Variants in VOPP1 observed in about 807,000 individuals in gnomAD.
VOPP1 encodes VOPP1 WW domain binding protein, also known as WW domain binding protein VOPP1.
Under a neutral mutation model 23.5 loss-of-function variants are expected in VOPP1, and 8 were observed. That is an observed-to-expected ratio of 0.34 (90% CI 0.20 to 0.61). VOPP1 has a LOEUF of 0.61. VOPP1 is among the 20% of genes least tolerant of loss of function. The probability of loss-of-function intolerance (pLI) is 0.78; values close to 1 mark genes in which losing one functional copy is unlikely to be tolerated. For missense variants in VOPP1, 174 were observed against 238.1 expected (o/e 0.73, Z 1.77); for synonymous variants, 83 against 97.3 (o/e 0.85, Z 0.86).
intron 1 of VOPP1, chr7:55,526,734 C>T (rs1796214089): frequency 6.6e-6 from 1 of 152,214 alleles, no homozygotes; most frequent in Non-Finnish European, 1.5e-5. Flanking sequence ...GTCTCACTGA[C>T]CTCTGGAAAG....
At chr7:55,492,480 A>G in intron 3 of VOPP1, 62 bp from the exon 4 acceptor site, 1 of 1,535,388 alleles carries the variant, frequency 6.5e-7, no homozygotes, top group East Asian at 2.3e-5. Flanking sequence ...GCTTGGCCCT[A>G]CAGCTCAAAG....
intron 2 of VOPP1, 130 bp from the exon 3 acceptor site, chr7:55,497,820 C>T (rs117645790): frequency 1.4e-6 from 1 of 726,262 alleles, no homozygotes; most frequent in Non-Finnish European, 2.4e-6. Flanking sequence ...AAGGACAGAA[C>T]TGCCTCCACT....
At chr7:55,453,702 G>C (rs1791297875) in intron 4 of VOPP1, among the ~76,000 whole-genome samples, 1 of 152,140 alleles carries the variant, frequency 6.6e-6, no homozygotes, top group East Asian at 1.9e-4. Context: ...TAATGAAAAA[G>C]TTTGAAATAT....
chr7:55,461,747 TA>T (rs1356337147), intron 4 of VOPP1, among the ~76,000 whole-genome samples: 4 of 152,232 alleles, frequency 2.6e-5, no homozygotes, highest in Non-Finnish European at 5.9e-5. Context: ...GTGGGAAATG[TA>T]ATCAGTTCCC....
chr7:55,469,439 C>T (rs1791718186), downstream of VOPP1, among the ~76,000 whole-genome samples: 1 of 152,150 alleles, frequency 6.6e-6, no homozygotes, highest in South Asian at 2.1e-4. Context: ...GGGTCATTTG[C>T]AGCTGCCTTT....
intron 1 of VOPP1, among the ~76,000 whole-genome samples, chr7:55,538,429 G>A (rs1230012705): frequency 6.6e-6 from 1 of 152,130 alleles, no homozygotes; most frequent in Non-Finnish European, 1.5e-5. Flanking sequence ...TTCGTTCTTT[G>A]CTAACTTGAT....
intron 1 of VOPP1, among the ~76,000 whole-genome samples, chr7:55,539,119 G>A (rs959665522): frequency 3.9e-5 from 6 of 151,956 alleles, no homozygotes; most frequent in African/African-American, 1.2e-4. Flanking sequence ...CGAGGCAAGC[G>A]GATCACCTGA....
intron 1 of VOPP1, chr7:55,521,752 G>C (rs1795877796): frequency 2.0e-6 from 2 of 986,738 alleles, no homozygotes; most frequent in Non-Finnish European, 2.4e-6. Context: ...GGCAGGGCAG[G>C]GCAGGGTGGG....
chr7:55,505,656 AGGG>A (rs1794668223), intron 2 of VOPP1, among the ~76,000 whole-genome samples: 3 of 516 alleles, frequency 5.8e-3, no homozygotes, highest in African/African-American at 9.2e-3. Flanking sequence ...GAAGGAAGGG[AGGG>A]AGGGAGGGAG....
chr7:55,542,232 C>G (rs1258714878), intron 1 of VOPP1, among the ~76,000 whole-genome samples: 1 of 152,020 alleles, frequency 6.6e-6, no homozygotes, highest in Non-Finnish European at 1.5e-5. Context: ...AAATATCTAC[C>G]ACCTCAAATA....
intron 2 of VOPP1, among the ~76,000 whole-genome samples, chr7:55,503,676 T>C (rs1029890334): frequency 1.3e-5 from 2 of 152,164 alleles, no homozygotes; most frequent in Non-Finnish European, 2.9e-5. Flanking sequence ...GGTGAAGCCC[T>C]CGTGACAGGG....
chr7:55,570,362 A>G (rs765344599), intron 1 of VOPP1, among the ~76,000 whole-genome samples: 1 of 152,202 alleles, frequency 6.6e-6, no homozygotes, highest in Non-Finnish European at 1.5e-5. Flanking sequence ...CTCTGAAACA[A>G]TCATCTAATA....
At chr7:55,479,304 C>A (rs1792524418) in intron 4 of VOPP1, among the ~76,000 whole-genome samples, 1 of 151,354 alleles carries the variant, frequency 6.6e-6, no homozygotes, top group Admixed American at 6.6e-5. Context: ...ATCCCTCCCC[C>A]ATCCCCCCAC....
intron 4 of VOPP1, among the ~76,000 whole-genome samples, chr7:55,438,162 T>C (rs1267087533): frequency 6.6e-6 from 1 of 152,176 alleles, no homozygotes; most frequent in African/African-American, 2.4e-5. Context: ...CCCAAAGTGC[T>C]GGGATTACAG....
At chr7:55,554,981 G>C (rs1797753441) in intron 1 of VOPP1, among the ~76,000 whole-genome samples, 1 of 152,196 alleles carries the variant, frequency 6.6e-6, no homozygotes, top group Admixed American at 6.5e-5. Flanking sequence ...CAAGGTGGCT[G>C]CTTTTTGCCG....
intron 4 of VOPP1, among the ~76,000 whole-genome samples, chr7:55,464,299 G>A (rs1029428122): frequency 1.3e-5 from 2 of 152,168 alleles, no homozygotes; most frequent in Non-Finnish European, 2.9e-5. Flanking sequence ...GCATGCACTT[G>A]CCAGCTGTGG....
chr7:55,540,539 A>G (rs971705304), intron 1 of VOPP1, among the ~76,000 whole-genome samples: 1 of 152,100 alleles, frequency 6.6e-6, no homozygotes, highest in Non-Finnish European at 1.5e-5. Flanking sequence ...GCCTGTTTAG[A>G]CCTCTGGCCG....
At chr7:55,531,306 C>A (rs953099322) in intron 1 of VOPP1, among the ~76,000 whole-genome samples, 1 of 151,460 alleles carries the variant, frequency 6.6e-6, no homozygotes, top group Non-Finnish European at 1.5e-5. Flanking sequence ...AAGCAATGAA[C>A]AGGACCAAAC....
At chr7:55,554,031 T>A (rs1880528) in intron 1 of VOPP1, 89,334 of 152,126 alleles carry the variant, frequency 0.59, 28,259 homozygotes, top group Admixed American at 0.69. Flanking sequence ...ATATTAGACC[T>A]CTTTACTTAC....
Sources: allele counts gnomAD v4.1 joint callset (sites outside exome capture counted in the v4.1 genomes callset), GRCh38; gene constraint gnomAD v4.1.1; transcripts MANE v1.5; gene names NCBI Gene and HGNC (gene_info 2026-07-23, HGNC 2026-07-21).